ASB15: variants seen among roughly 807,000 people sequenced by gnomAD.
ASB15 encodes the protein ankyrin repeat and SOCS box protein 15.
Under a neutral mutation model 58.0 loss-of-function variants are expected in ASB15, and 54 were observed. That is an observed-to-expected ratio of 0.93 (90% confidence interval 0.75 to 1.17). The LOEUF (loss-of-function observed/expected upper bound fraction) is 1.17, where lower values mean the gene tolerates loss of function less well. Among genes scored for constraint, ASB15 ranks in the 50% most tolerant of loss-of-function variants. The probability of loss-of-function intolerance (pLI) is 0.00; values close to 1 mark genes in which losing one functional copy is unlikely to be tolerated. For synonymous variants in ASB15, 249 were observed against 262.4 expected, an observed-to-expected ratio of 0.95 and a Z score of 0.50; for missense variants, 680 against 707.4, an observed-to-expected ratio of 0.96 and a Z score of 0.44.
At chr7:123,575,348 C>T (rs867450098) in intron 1 of ASB15, among the ~76,000 whole-genome samples, 4 of 152,138 alleles carry the variant, frequency 2.6e-5, no homozygotes, top group African/African-American at 9.6e-5. Context: ...TGCTTGCTTT[C>T]ATATGTTAAA....
chr7:123,628,776 T>C, intron 9 of ASB15, 88 bp from the exon 10 acceptor site: 1 of 854,378 alleles, frequency 1.2e-6, no homozygotes, highest in South Asian at 2.1e-5. Context: ...ACTATACAAC[T>C]TGCATTCACT....
intron 1 of ASB15, among the ~76,000 whole-genome samples, chr7:123,574,168 T>C (rs1284731098): frequency 6.6e-6 from 1 of 152,106 alleles, no homozygotes; most frequent in Non-Finnish European, 1.5e-5. Context: ...CTTCTTTTTT[T>C]ATATAAAATT....
At chr7:123,582,955 G>A (rs549741049) in intron 1 of ASB15, among the ~76,000 whole-genome samples, 1 of 152,128 alleles carries the variant, frequency 6.6e-6, no homozygotes, top group South Asian at 2.1e-4. Context: ...TGTAAATCTT[G>A]TTTTAAAAAT....
chr7:123,616,354 T>C lies in ASB15; in HGVS notation c.161-10T>C, dbSNP rs1307122468. On this transcript the variant is annotated splice_polypyrimidine_tract_variant and intron_variant, in intron 5 of 11. Coordinates refer to ENST00000451215, the MANE Select transcript of ASB15 (RefSeq NM_001290258.2). ...CAGAGATTAGTCATCAGTCCATGTG[T>C]TTAATTTAGGTCACATTCCTGAGCT... 2.2e-5 allele frequency: 36 copies of C among 1,609,866 alleles called. No individual in the cohort carries two copies. The highest frequency in any genetic ancestry group is 2.8e-5 in the Non-Finnish European group (33 of 1,176,758).
intron 9 of ASB15, among the ~76,000 whole-genome samples, chr7:123,628,450 C>G (rs145079971): frequency 1.2e-3 from 190 of 152,296 alleles, no homozygotes; most frequent in African/African-American, 4.3e-3. Context: ...CACTTCCTAT[C>G]ACCCCATGAT....
chr7:123,590,738 C>G (rs1035296308), intron 1 of ASB15, among the ~76,000 whole-genome samples: 1 of 152,140 alleles, frequency 6.6e-6, no homozygotes, highest in Non-Finnish European at 1.5e-5. Flanking sequence ...AGCGTGATGC[C>G]TCCAACTTTG....
intron 7 of ASB15, among the ~76,000 whole-genome samples, chr7:123,619,616 C>T (rs939660123): frequency 1.3e-5 from 2 of 152,104 alleles, no homozygotes; most frequent in Admixed American, 6.6e-5. Context: ...CTCTGCCTCC[C>T]GGGTTCAAGC....
chr7:123,613,897 T>C (rs1238274579), intron 3 of ASB15, among the ~76,000 whole-genome samples: 1 of 151,872 alleles, frequency 6.6e-6, no homozygotes, highest in Non-Finnish European at 1.5e-5. Flanking sequence ...AATATGAAAA[T>C]TAGCCAGACA....
At chr7:123,615,425 CTG>C (rs1425551603) in intron 4 of ASB15, 2 of 152,180 alleles carry the variant, frequency 1.3e-5, no homozygotes, top group East Asian at 3.9e-4. Flanking sequence ...ACGTAGTACA[CTG>C]AAATTTCTGG....
rs984776985 is a variant in ASB15 at position 123,637,632 on chromosome 7, T to G, written c.*651T>G. The G allele has an allele frequency of 6.6e-6, 1 of 152,184 alleles. No homozygotes were observed. Among genetic ancestry groups the G allele is most frequent in the Non-Finnish European group, 1.5e-5 (1 of 68,100 alleles). 9.4% of individuals were successfully genotyped at this position (152,184 alleles called of 1,614,324 possible). A position where few individuals can be genotyped will look rare whatever the true frequency, so the allele number is the denominator to read the frequency against. ...TTCTGCCTAGCTCATCTCTAGCCAA[T>G]CTTACAGTTATATATCTTAAGCCCT... On this transcript the variant is annotated 3_prime_UTR_variant, in exon 12 of 12. Transcript: ENST00000451215.
At chr7:123,620,955 C>T (rs995175810) in intron 7 of ASB15, among the ~76,000 whole-genome samples, 15 of 151,952 alleles carry the variant, frequency 9.9e-5, no homozygotes, top group African/African-American at 2.9e-4. Context: ...TGAATTTCTG[C>T]ACAAAAAGGA....
Position 123,636,982 on chromosome 7 carries a change from C to G in ASB15, c.*1C>G. 1 of 1,494,182 alleles carries G rather than the reference C, an allele frequency of 6.7e-7. No homozygotes were observed. 92.6% of individuals were successfully genotyped at this position (1,494,182 alleles called of 1,614,324 possible). On this transcript the variant is annotated 3_prime_UTR_variant, in exon 12 of 12. Transcript: ENST00000451215. The stretch of plus-strand genomic sequence containing the variant: ...TGGACAAGAGCTAAAATTGACATAA[C>G]TTAATATTTTAAAATGTGATTTAAA...
intron 3 of ASB15, among the ~76,000 whole-genome samples, chr7:123,613,728 G>A (rs1419032949): frequency 6.6e-6 from 1 of 152,130 alleles, no homozygotes; most frequent in Non-Finnish European, 1.5e-5. Context: ...AGACTTTGAA[G>A]CTGACCATTG....
At position 123,639,156 on chromosome 7, in the gene ASB15, C is replaced by A. The variant is rs985960095; in HGVS notation, c.*2175C>A. ...TACCGTATTCTTTAAACAGTAATAT[C>A]TCACTGGTCTGTAAAGTTTTCAAGT... On this transcript the variant is annotated 3_prime_UTR_variant, in exon 12 of 12. Transcript: ENST00000451215. 1.3e-5 allele frequency: 2 copies of A among 151,240 alleles called. No individual in the cohort carries two copies. The highest frequency in any genetic ancestry group is 1.3e-4 in the Admixed American group (2 of 15,200). The allele number at this position is 151,240 out of a possible 1,614,324, so 9.4% of individuals were successfully genotyped here. A position where few individuals can be genotyped will look rare whatever the true frequency, so the allele number is the denominator to read the frequency against.
chr7:123,625,328 C>T (rs186247980), intron 8 of ASB15, among the ~76,000 whole-genome samples: 5 of 152,296 alleles, frequency 3.3e-5, no homozygotes, highest in Admixed American at 3.3e-4. Flanking sequence ...TAGTTTCTAA[C>T]CATTTTCTGG....
chr7:123,622,745 A>T (rs146988049), intron 7 of ASB15: 3 of 152,302 alleles, frequency 2.0e-5, no homozygotes, highest in Non-Finnish European at 4.4e-5. Flanking sequence ...AGCTTACTTG[A>T]TGTTTGCTCT....
At chr7:123,635,124 T>C (rs992439142) in intron 11 of ASB15, among the ~76,000 whole-genome samples, 3 of 152,342 alleles carry the variant, frequency 2.0e-5, no homozygotes, top group Admixed American at 6.5e-5. Flanking sequence ...GTCAATACTA[T>C]AGTGCAGGGA....
intron 11 of ASB15, among the ~76,000 whole-genome samples, chr7:123,635,958 GT>G (rs1802407277): frequency 6.6e-6 from 1 of 152,056 alleles, no homozygotes; most frequent in Non-Finnish European, 1.5e-5. Flanking sequence ...CTGAATGACA[GT>G]TAATATTTAT....
intron 11 of ASB15, among the ~76,000 whole-genome samples, chr7:123,632,724 T>C (rs1262903301): frequency 6.6e-6 from 1 of 152,044 alleles, no homozygotes; most frequent in East Asian, 1.9e-4. Context: ...AATATATGGA[T>C]AATAGGATTC....
Sources: gnomAD v4.1 joint callset for allele counts (sites outside exome capture counted in the v4.1 genomes callset) on GRCh38, gnomAD v4.1.1 for gene constraint, MANE v1.5 for transcripts, NCBI Gene and HGNC (gene_info 2026-07-23, HGNC 2026-07-21) for gene names.